The following BEGAIN variants were observed in gnomAD, a reference collection of about 807,000 sequenced individuals.
The protein encoded by BEGAIN is brain-enriched guanylate kinase-associated protein.
BEGAIN carries 19 observed loss-of-function variants against 35.8 expected under a neutral mutation model. The observed-to-expected ratio is 0.53, with a 90% confidence interval of 0.37 to 0.78. The LOEUF is 0.78. BEGAIN is among the 30% of genes least tolerant of loss of function. The pLI, the probability that BEGAIN is intolerant of heterozygous loss-of-function variation, is 0.00. For synonymous variants in BEGAIN, 462 were observed against 388.6 expected (o/e 1.19, Z -2.22); for missense variants, 795 against 853.6 (o/e 0.93, Z 0.85).
At chr14:100,553,441 C>T (rs1315850993) in intron 2 of BEGAIN, among the ~76,000 whole-genome samples, 1 of 152,148 alleles carries the variant, frequency 6.6e-6, no homozygotes, top group Admixed American at 6.5e-5. Context: ...TCCTGGCCCC[C>T]AGGAAAAATG....
Position 100,537,780 on chromosome 14 carries a change from C to T in BEGAIN, c.*189G>A. On this transcript the variant is annotated 3_prime_UTR_variant, in exon 7 of 7. Coordinates refer to ENST00000554140, the MANE Select transcript of BEGAIN (RefSeq NM_001385089.1). ...GTTCCACGGGCCGGGGCCGGGTGGACACCGTGGTGTGGGGGACCCTCCCCT... is the reference window on the plus strand; with the variant it reads ...GTTCCACGGGCCGGGGCCGGGTGGATACCGTGGTGTGGGGGACCCTCCCCT... 4 of 861,112 alleles carry T rather than the reference C, an allele frequency of 4.6e-6. No individual in the cohort carries two copies. Among genetic ancestry groups the T allele is most frequent in the Non-Finnish European group, 6.7e-6 (4 of 600,670 alleles). The allele number at this position is 861,112 out of a possible 1,614,324, so 53.3% of individuals were successfully genotyped here. A position where few individuals can be genotyped will look rare whatever the true frequency, so the allele number is the denominator to read the frequency against.
chr14:100,540,463 G>C (rs1566960333), intron 6 of BEGAIN, 33 bp downstream of exon 6: 1 of 1,526,382 alleles, frequency 6.6e-7, no homozygotes, highest in Admixed American at 1.9e-5. Context: ...GTGGTCCCGG[G>C]GCGGGGTGGG....
chr14:100,539,057 C>T lies in BEGAIN; in HGVS notation c.751G>A (p.Ala251Thr), dbSNP rs1378473169. Residue 251 changes from alanine (A) to threonine (T), a missense_variant, in exon 7 of 7, where the codon GCC (alanine) becomes ACC (threonine). Physicochemically the swap from Ala to Thr is moderately conservative, Grantham distance 58 (BLOSUM62 0). Coordinates refer to ENST00000554140, the MANE Select transcript of BEGAIN (RefSeq NM_001385089.1). The part of the protein sequence containing the change: ...YKGDIYCSDT[A>T]LYCPEERRRD... ...CGCCGCTCCTCCGGGCAGTAGAGGG[C>T]TGTGTCACTGCAGTAGATGTCTCCC... The T allele has an allele frequency of 1.2e-6, 2 of 1,612,522 alleles. No homozygotes were observed. Among genetic ancestry groups the T allele is most frequent in the South Asian group, 1.1e-5 (1 of 91,024 alleles).
At position 100,539,163 on chromosome 14, in the gene BEGAIN, G is replaced by A. The variant is rs767961377; in HGVS notation, c.645C>T (p.Ser215=). The change falls in exon 7 of 7, where the codon TCC becomes TCT. Residue 215 remains serine, a synonymous_variant. Coordinates refer to ENST00000554140, the MANE Select transcript of BEGAIN (RefSeq NM_001385089.1). ...GGGCGGAGGCATCGGACAGGCGGGA[G>A]GACAGGCTGGCGGGGTCCGGCTTCT... ...VLEKPDPASL[S]SRLSDASARD... 4 of 1,593,722 alleles carry A rather than the reference G, an allele frequency of 2.5e-6. No individual in the cohort carries two copies. Among genetic ancestry groups the A allele is most frequent in the Admixed American group, 1.7e-5 (1 of 58,570 alleles).
At position 100,538,202 on chromosome 14, in the gene BEGAIN, C is replaced by T. The variant is rs772982110; in HGVS notation, c.1606G>A (p.Glu536Lys). Residue 536 changes from glutamate to lysine, a missense_variant, in exon 7 of 7, where the codon GAG becomes AAG. Physicochemically the swap from Glu to Lys is moderately conservative, Grantham distance 56 (BLOSUM62 1). Around this residue, in one of 3 missense-constraint regions of BEGAIN, gnomAD observed 664 missense variants for 647.7 expected, o/e 1.03. Coordinates refer to ENST00000554140, the MANE Select transcript of BEGAIN (RefSeq NM_001385089.1). ...ADPLPGYAPS[E>K]GGDGDRLGVQ... is the part of the protein sequence containing the mutation. ...CCGAGCCTGTCCCCGTCCCCCCCCT[C>T]GCTGGGTGCATAGCCGGGCAGTGGG... 5.8e-6 allele frequency: 9 copies of T among 1,554,128 alleles called. No individual in the cohort carries two copies. The highest frequency in any genetic ancestry group is 5.7e-5 in the Admixed American group (3 of 53,052).
rs1268201040 is a variant in BEGAIN at position 100,568,931 on chromosome 14, CT to C, written c.43-993del. The C allele has an allele frequency of 1.5e-5, 15 of 983,806 alleles. No homozygotes were observed. The highest frequency in any genetic ancestry group is 1.8e-5 in the Non-Finnish European group (15 of 829,516). 60.9% of individuals were successfully genotyped at this position (983,806 alleles called of 1,614,324 possible). On this transcript the variant is annotated intron_variant, in intron 1 of 6. Transcript: ENST00000554140. This position sits in a 1 kb window ranked among gnomAD's most constrained non-coding sequence, Gnocchi z 7.5. Reference sequence around the variant, plus strand: ...GACTGATGACTGCCCATCCCGGCCCCTCGCGCCGGGCGCCGCCGCCGCGTCC... The same window carrying C: ...GACTGATGACTGCCCATCCCGGCCCCCGCGCCGGGCGCCGCCGCCGCGTCC...
Position 100,538,643 on chromosome 14 carries a change from G to A in BEGAIN, c.1165C>T (p.Arg389Trp). The A allele has an allele frequency of 6.5e-7, 1 of 1,549,724 alleles. No individual in the cohort carries two copies. Among genetic ancestry groups the A allele is most frequent in the East Asian group, 2.4e-5 (1 of 41,070 alleles). ...TCGGCCGGGTACGGTGACATGGTCC[G>A]CCCGAAGCCTGGGGCCACTTCGGCC... ...LEAEVAPGFG[R>W]TMSPYPAETF... Residue 389 changes from arginine to tryptophan, a missense_variant, in exon 7 of 7, where the codon CGG becomes TGG. Physicochemically the swap from Arg to Trp is moderately radical, Grantham distance 101. This residue lies in a region of BEGAIN where 664 missense variants were observed against 647.7 expected (regional missense o/e 1.03). Coordinates refer to ENST00000554140, the MANE Select transcript of BEGAIN (RefSeq NM_001385089.1).
rs988115362 is a variant in BEGAIN, at chr14:100,538,935, C to A, written c.873G>T (p.Glu291Asp). The part of the protein sequence containing the change: ...STDSAAEEEE[E>D]AEAAAFPAGF... The stretch of plus-strand genomic sequence containing the variant: ...CCGCCGGGAAGGCCGCCGCCTCGGC[C>A]TCCTCCTCCTCCTCGGCCGCGCTGT... Residue 291 changes from glutamate to aspartate, a missense_variant, in exon 7 of 7, where the codon GAG becomes GAT. Glu to Asp is a conservative substitution (Grantham distance 45, BLOSUM62 2). This residue lies in a region of BEGAIN where 664 missense variants were observed against 647.7 expected (regional missense o/e 1.03). Coordinates refer to ENST00000554140, the MANE Select transcript of BEGAIN (RefSeq NM_001385089.1). 1 of 1,283,298 alleles carries A rather than the reference C, an allele frequency of 7.8e-7. No homozygotes were observed. The highest frequency in any genetic ancestry group is 1.6e-5 in the African/African-American group (1 of 63,290). 79.5% of individuals were successfully genotyped at this position (1,283,298 alleles called of 1,614,324 possible).
intron 1 of BEGAIN, among the ~76,000 whole-genome samples, chr14:100,574,944 C>A (rs755202487): frequency 6.6e-6 from 1 of 152,182 alleles, no homozygotes; most frequent in African/African-American, 2.4e-5. Flanking sequence ...AACATTGGAT[C>A]GAGTCATTCA....
chr14:100,546,802 ACACACACACACT>A lies in BEGAIN; in HGVS notation c.72-152_72-141del, dbSNP rs1566965047. 1,487 of 634,692 alleles carry A rather than the reference ACACACACACACT, an allele frequency of 2.3e-3. 19 individuals are homozygous for A. In the African/African-American group the frequency reaches 0.026, roughly 11 times the overall value. 39.3% of individuals were successfully genotyped at this position (634,692 alleles called of 1,614,324 possible). ...CGCGCACACACACACACACACACAC[ACACACACACACT>A]CACACACACCCAGCCTCCCGGGCGT... On this transcript the variant is annotated intron_variant, in intron 2 of 6. Coordinates refer to ENST00000554140, the MANE Select transcript of BEGAIN (RefSeq NM_001385089.1).
At chr14:100,575,368 C>T (rs1301904707) in intron 1 of BEGAIN, among the ~76,000 whole-genome samples, 2 of 152,334 alleles carry the variant, frequency 1.3e-5, no homozygotes, top group African/African-American at 4.8e-5. Context: ...TTTATCACCA[C>T]TATCATCCCG....
At chr14:100,574,528 T>G (rs2035161403) in intron 1 of BEGAIN, among the ~76,000 whole-genome samples, 2 of 152,162 alleles carry the variant, frequency 1.3e-5, no homozygotes, top group South Asian at 4.1e-4. Flanking sequence ...GTTTTTTTTT[T>G]TTTTTTTTTT....
At chr14:100,577,165 T>C in intron 1 of BEGAIN, 1 of 397,676 alleles carries the variant, frequency 2.5e-6, no homozygotes, top group Non-Finnish European at 4.4e-6. Flanking sequence ...AATTTCACCT[T>C]AGAGATTCAT....
intron 2 of BEGAIN, among the ~76,000 whole-genome samples, chr14:100,564,476 G>A (rs1289366164): frequency 6.6e-6 from 1 of 152,136 alleles, no homozygotes; most frequent in Non-Finnish European, 1.5e-5. Flanking sequence ...TTTGGAGGGA[G>A]AGGAGGGGAT....
rs146033303 is a variant in BEGAIN at position 100,539,098 on chromosome 14, G to A, written c.710C>T (p.Pro237Leu). The A allele has an allele frequency of 6.2e-7, 1 of 1,610,458 alleles. No individual in the cohort carries two copies. Among genetic ancestry groups the A allele is most frequent in the Admixed American group, 1.7e-5 (1 of 59,782 alleles). The change falls in exon 7 of 7, where the codon CCG (proline) becomes CTG (leucine). Residue 237 changes from proline to leucine, a missense_variant. Pro to Leu is a moderately conservative substitution (Grantham distance 98). Around this residue, in one of 3 missense-constraint regions of BEGAIN, gnomAD observed 664 missense variants for 647.7 expected, o/e 1.03. Coordinates refer to ENST00000554140, the MANE Select transcript of BEGAIN (RefSeq NM_001385089.1). ...GATGTCTCCCTTGTAGGGGGGCCGC[G>A]GGCCTGGTTTCTCCACCCCGTCGCA... is the stretch of plus-strand genomic sequence containing the variant. ...AFCDGVEKPG[P>L]RPPYKGDIYC...
chr14:100,580,384 GC>G (rs1462210209), intron 1 of BEGAIN, among the ~76,000 whole-genome samples: 2 of 152,108 alleles, frequency 1.3e-5, no homozygotes, highest in Non-Finnish European at 2.9e-5. Flanking sequence ...CATATACACT[GC>G]AAGGCCCTGA....
chr14:100,539,922 G>A (rs1005062782), intron 6 of BEGAIN, among the ~76,000 whole-genome samples: 1 of 152,034 alleles, frequency 6.6e-6, no homozygotes, highest in South Asian at 2.1e-4. Flanking sequence ...GGAAAGGAAC[G>A]CACAGGCCTG....
chr14:100,582,919 G>A (rs948443745), intron 1 of BEGAIN, among the ~76,000 whole-genome samples: 9 of 151,634 alleles, frequency 5.9e-5, no homozygotes, highest in African/African-American at 2.2e-4. Flanking sequence ...TGAAGCAGAG[G>A]GACATGGGGG....
At chr14:100,556,671 A>C (rs1367738991) in intron 2 of BEGAIN, among the ~76,000 whole-genome samples, 1 of 152,202 alleles carries the variant, frequency 6.6e-6, no homozygotes, top group Non-Finnish European at 1.5e-5. Flanking sequence ...ATCAGGGCAC[A>C]GGGGCTGTCT....
Sources: gnomAD v4.1 joint callset for allele counts (sites outside exome capture counted in the v4.1 genomes callset) on GRCh38, gnomAD v4.1.1 for gene constraint, gnomAD v4.1.1 regional missense constraint, Gnocchi (gnomAD v3.1) non-coding constraint, MANE v1.5 for transcripts, NCBI Gene and HGNC (gene_info 2026-07-23, HGNC 2026-07-21) for gene names.